Variants in LRRC4C observed in about 807,000 individuals in gnomAD.
LRRC4C encodes the protein leucine-rich repeat-containing protein 4C.
A neutral mutation model predicts 33.6 loss-of-function variants in LRRC4C; 5 were observed. The observed-to-expected ratio is 0.15, with a 90% CI of 0.08 to 0.31. LRRC4C has a LOEUF of 0.31. Ranked by LOEUF, LRRC4C falls within the 10% of genes least tolerant of loss-of-function variation. The probability of loss-of-function intolerance (pLI) is 1.00; values close to 1 mark genes in which losing one functional copy is unlikely to be tolerated. For synonymous variants in LRRC4C, 329 were observed against 302.0 expected (o/e 1.09, Z -0.93); for missense variants, 560 against 796.7 (o/e 0.70, Z 3.58).
intron 1 of LRRC4C, among the ~76,000 whole-genome samples, chr11:41,175,324 C>G (rs1488701510): frequency 6.6e-6 from 1 of 152,034 alleles, no homozygotes; most frequent in Non-Finnish European, 1.5e-5. Flanking sequence ...TTTTGTTATT[C>G]CTGAGAGTCA....
At chr11:40,987,630 GATATATATATAT>G (rs747152583) in intron 1 of LRRC4C, among the ~76,000 whole-genome samples, 5 of 88,582 alleles carry the variant, frequency 5.6e-5, no homozygotes, top group African/African-American at 2.0e-4. Context: ...AGTGGGTAAT[GATATATATATAT>G]ATATATATAT....
intron 3 of LRRC4C, among the ~76,000 whole-genome samples, chr11:40,393,553 T>C (rs1949418818): frequency 6.6e-6 from 1 of 152,086 alleles, no homozygotes; most frequent in African/African-American, 2.4e-5. Flanking sequence ...CAATAATTCT[T>C]TGGAGAAAAA....
intron 1 of LRRC4C, among the ~76,000 whole-genome samples, chr11:40,995,580 C>T (rs374755006): frequency 6.6e-6 from 1 of 152,142 alleles, no homozygotes; most frequent in East Asian, 1.9e-4. Context: ...TATTTCCAAA[C>T]TTTCTTCCCT....
chr11:40,549,494 C>T (rs1957054176), intron 3 of LRRC4C, among the ~76,000 whole-genome samples: 1 of 152,122 alleles, frequency 6.6e-6, no homozygotes, highest in African/African-American at 2.4e-5. Context: ...AAATCAGATG[C>T]TTACACAAAG....
intron 1 of LRRC4C, among the ~76,000 whole-genome samples, chr11:41,381,203 C>A (rs955187541): frequency 6.6e-6 from 1 of 152,000 alleles, no homozygotes; most frequent in South Asian, 2.1e-4. Context: ...CACTGTTAAA[C>A]TTAAAAAACA....
At chr11:40,923,846 T>C (rs1957294802) in intron 2 of LRRC4C, among the ~76,000 whole-genome samples, 1 of 152,084 alleles carries the variant, frequency 6.6e-6, no homozygotes, top group African/African-American at 2.4e-5. Flanking sequence ...TTTGGTGAAG[T>C]TGTCACCTCT....
At chr11:40,736,317 T>C (rs1947863688) in intron 2 of LRRC4C, among the ~76,000 whole-genome samples, 1 of 152,096 alleles carries the variant, frequency 6.6e-6, no homozygotes, top group African/African-American at 2.4e-5. Context: ...TCCAGCTTCA[T>C]CCATGTCCCT....
chr11:41,316,270 A>C (rs1197142233), intron 1 of LRRC4C, among the ~76,000 whole-genome samples: 2 of 150,144 alleles, frequency 1.3e-5, no homozygotes, highest in Non-Finnish European at 3.0e-5. Context: ...GGCAAAAAAA[A>C]AAAAAAAAAC....
intron 1 of LRRC4C, among the ~76,000 whole-genome samples, chr11:41,336,310 T>C: frequency 6.6e-6 from 1 of 151,602 alleles, no homozygotes; most frequent in East Asian, 1.9e-4. Flanking sequence ...TCTACAACAA[T>C]GAAAAGGTTA....
intron 1 of LRRC4C, among the ~76,000 whole-genome samples, chr11:41,311,533 AAT>A (rs1950642809): frequency 1.3e-5 from 2 of 152,200 alleles, no homozygotes; most frequent in African/African-American, 4.8e-5. Flanking sequence ...TGGGATATAA[AAT>A]ATATGTTCCA....
At chr11:40,725,794 A>G (rs996979757) in intron 2 of LRRC4C, among the ~76,000 whole-genome samples, 3 of 152,180 alleles carry the variant, frequency 2.0e-5, no homozygotes, top group African/African-American at 7.2e-5. Flanking sequence ...CAAGCCCTTC[A>G]GAAACCTAGC....
chr11:40,181,366 G>A (rs1860989096), intron 5 of LRRC4C, among the ~76,000 whole-genome samples: 1 of 152,174 alleles, frequency 6.6e-6, no homozygotes, highest in Non-Finnish European at 1.5e-5. Flanking sequence ...CAGTGAGTAT[G>A]AAGTTAAAAC....
rs183706378 is a variant in LRRC4C, at chr11:40,786,513, C to G, written c.-406-138235G>C. 2.6e-5 allele frequency among the ~76,000 whole-genome samples: 4 copies of G among 152,266 alleles called. No individual in the cohort carries two copies. The East Asian group carries it at 7.7e-4, about 29-fold the overall frequency. ...GCCACCTCAGCCAATGTGTAGAAGT[C>G]TAAGTGACATATAAACGTATATCAT... On this transcript the variant is annotated intron_variant, in intron 2 of 6. Transcript: ENST00000528697.
At chr11:40,844,538 C>A (rs1953068709) in intron 2 of LRRC4C, among the ~76,000 whole-genome samples, 1 of 152,006 alleles carries the variant, frequency 6.6e-6, no homozygotes, top group Non-Finnish European at 1.5e-5. Flanking sequence ...TAAAAGATAT[C>A]CAAAAAGAAT....
At chr11:40,389,110 C>T (rs1210510810) in intron 3 of LRRC4C, among the ~76,000 whole-genome samples, 1 of 151,984 alleles carries the variant, frequency 6.6e-6, no homozygotes, top group African/African-American at 2.4e-5. Flanking sequence ...AAAAATGGGC[C>T]ATTTATTATT....
intron 3 of LRRC4C, among the ~76,000 whole-genome samples, chr11:40,594,056 T>C (rs1959168278): frequency 6.6e-6 from 1 of 152,204 alleles, no homozygotes; most frequent in Non-Finnish European, 1.5e-5. Flanking sequence ...AAGTCATAAC[T>C]CTTGGCCTGC....
At chr11:40,713,747 T>C (rs752699027) in intron 2 of LRRC4C, among the ~76,000 whole-genome samples, 33 of 152,308 alleles carry the variant, frequency 2.2e-4, no homozygotes, top group Non-Finnish European at 4.6e-4. Context: ...ATATCTGTAT[T>C]TTCAAATCTC....
chr11:40,600,109 T>C (rs1959829321), intron 3 of LRRC4C, among the ~76,000 whole-genome samples: 1 of 152,180 alleles, frequency 6.6e-6, no homozygotes, highest in Non-Finnish European at 1.5e-5. Context: ...CTGTTGAGAA[T>C]AGAATCAGCC....
At chr11:41,042,144 G>A (rs1857477361) in intron 1 of LRRC4C, among the ~76,000 whole-genome samples, 1 of 152,048 alleles carries the variant, frequency 6.6e-6, no homozygotes, top group Non-Finnish European at 1.5e-5. Context: ...TTTGATATAG[G>A]ACAAACTACT....
Sources: allele counts gnomAD v4.1 joint callset (sites outside exome capture counted in the v4.1 genomes callset), GRCh38; gene constraint gnomAD v4.1.1; transcripts MANE v1.5; gene names NCBI Gene and HGNC (gene_info 2026-07-23, HGNC 2026-07-21).